Variants in LRRK2 observed in about 807,000 individuals in gnomAD.
LRRK2 encodes leucine rich repeat kinase 2.
In LRRK2, 203 loss-of-function variants were observed where a neutral mutation model predicts 302.6. That is an observed-to-expected ratio of 0.67 (90% confidence interval 0.60 to 0.75). The LOEUF (loss-of-function observed/expected upper bound fraction) is 0.75. LRRK2 is among the 30% of genes least tolerant of loss of function. The probability of loss-of-function intolerance (pLI) is 0.00; values close to 1 mark genes in which losing one functional copy is unlikely to be tolerated. For missense variants in LRRK2, 2,830 were observed against 2,951.0 expected (o/e 0.96, Z 0.95); for synonymous variants, 1,066 against 1,031.9 (o/e 1.03, Z -0.63).
At position 40,315,355 on chromosome 12, in the gene LRRK2, T is replaced by C. The variant is rs1022042173; in HGVS notation, c.4827+55T>C. The C allele has an allele frequency of 4.2e-5, 59 of 1,399,544 alleles. No individual in the cohort carries two copies. The African/African-American group carries it at 7.4e-4, about 17-fold the overall frequency. The allele number at this position is 1,399,544 out of a possible 1,614,324, so 86.7% of individuals were successfully genotyped here. A position where few individuals can be genotyped will look rare whatever the true frequency, so the allele number is the denominator to read the frequency against. ...GGTTATGGTCAAAGCATAGAACAGA[T>C]GGCGCCCAGAGCATTGAGCATTTTA... On this transcript the variant is annotated intron_variant, in intron 33 of 50. Coordinates refer to ENST00000298910, the MANE Select transcript of LRRK2 (RefSeq NM_198578.4).
chr12:40,324,839 A>G (rs1945498269), intron 38 of LRRK2, among the ~76,000 whole-genome samples: 1 of 152,244 alleles, frequency 6.6e-6, no homozygotes. Flanking sequence ...ACTTCAAGGT[A>G]TACAGGAAAG....
At chr12:40,327,483 G>A (rs1411303436) in intron 38 of LRRK2, among the ~76,000 whole-genome samples, 1 of 152,110 alleles carries the variant, frequency 6.6e-6, no homozygotes, top group Non-Finnish European at 1.5e-5. Flanking sequence ...CCAGGACTGG[G>A]GCAGGGAAAG....
At position 40,237,925 on chromosome 12, in the gene LRRK2, T is replaced by G. The variant is rs2723270; in HGVS notation, c.437-44T>G. The G allele has an allele frequency of 0.028, 44,116 of 1,586,470 alleles. 752 individuals are homozygous for G. Among genetic ancestry groups the G allele is most frequent in the Non-Finnish European group, 0.033 (38,297 of 1,161,736 alleles). On this transcript the variant is annotated intron_variant, in intron 4 of 50. Transcript: ENST00000298910. ...ATGTAAAAATTAACACATTAAATGT[T>G]AAAGCAGCTCTTTACTCAGAGCATA...
chr12:40,339,539 C>T (rs986923209), intron 40 of LRRK2, among the ~76,000 whole-genome samples: 2 of 152,106 alleles, frequency 1.3e-5, no homozygotes, highest in South Asian at 2.1e-4. Flanking sequence ...CTCGTGATTG[C>T]GTGGGTCAGT....
intron 31 of LRRK2, among the ~76,000 whole-genome samples, chr12:40,312,533 A>G (rs1038644867): frequency 2.0e-5 from 3 of 152,062 alleles, no homozygotes; most frequent in African/African-American, 7.2e-5. Flanking sequence ...CTTTGATCTT[A>G]GCTCTTCTCT....
intron 6 of LRRK2, among the ~76,000 whole-genome samples, chr12:40,242,569 T>G (rs554389244): frequency 3.3e-5 from 5 of 152,078 alleles, no homozygotes; most frequent in Non-Finnish European, 1.5e-5. Flanking sequence ...AGCTTGATTT[T>G]GCTGCCTTGT....
At chr12:40,242,310 C>T (rs1941764866) in intron 6 of LRRK2, among the ~76,000 whole-genome samples, 1 of 151,880 alleles carries the variant, frequency 6.6e-6, no homozygotes, top group Admixed American at 6.6e-5. Context: ...AAAACAAATA[C>T]TAAAATGTTT....
At chr12:40,318,808 C>A (rs1047952121) in intron 33 of LRRK2, among the ~76,000 whole-genome samples, 1 of 152,028 alleles carries the variant, frequency 6.6e-6, no homozygotes, top group African/African-American at 2.4e-5. Flanking sequence ...ACCACCTAAA[C>A]TGTAAGAGCG....
intron 41 of LRRK2, among the ~76,000 whole-genome samples, chr12:40,342,806 C>G (rs1002894100): frequency 1.3e-5 from 2 of 152,072 alleles, no homozygotes; most frequent in African/African-American, 4.8e-5. Context: ...TTTGTTAAAC[C>G]TTTTGGGTGT....
intron 44 of LRRK2, 39 bp downstream of exon 44, chr12:40,351,772 G>A: frequency 1.3e-6 from 2 of 1,587,978 alleles, no homozygotes; most frequent in Non-Finnish European, 1.7e-6. Context: ...ATAATTTAAA[G>A]CATATACCAT....
chr12:40,296,892 G>T (rs539019920), intron 23 of LRRK2, among the ~76,000 whole-genome samples: 1 of 151,846 alleles, frequency 6.6e-6, no homozygotes, highest in Non-Finnish European at 1.5e-5. Context: ...AGCCACCCAG[G>T]GCTCAATTTA....
intron 1 of LRRK2, 83 bp downstream of exon 1, chr12:40,225,365 C>A: frequency 6.6e-7 from 1 of 1,509,792 alleles, no homozygotes; most frequent in Non-Finnish European, 9.1e-7. Flanking sequence ...TCCTCCTCCC[C>A]TTGACCCTGC....
intron 6 of LRRK2, among the ~76,000 whole-genome samples, chr12:40,241,333 G>A (rs2136433926): frequency 6.6e-6 from 1 of 152,280 alleles, no homozygotes; most frequent in East Asian, 1.9e-4. Context: ...TGTGACTCTT[G>A]ATTAGCATTT....
intron 20 of LRRK2, among the ~76,000 whole-genome samples, chr12:40,288,118 T>G (rs1468878295): frequency 6.6e-6 from 1 of 151,892 alleles, no homozygotes; most frequent in Admixed American, 6.6e-5. Flanking sequence ...AGTGAGGGGC[T>G]TTCTTATTAA....
At chr12:40,251,952 T>C (rs1176221585) in intron 10 of LRRK2, among the ~76,000 whole-genome samples, 2 of 152,204 alleles carry the variant, frequency 1.3e-5, no homozygotes, top group Non-Finnish European at 2.9e-5. Flanking sequence ...TTAGAGAGCT[T>C]CCTATGATGA....
intron 14 of LRRK2, among the ~76,000 whole-genome samples, chr12:40,270,740 A>G (rs1015735781): frequency 6.6e-6 from 1 of 152,104 alleles, no homozygotes; most frequent in Non-Finnish European, 1.5e-5. Flanking sequence ...CATTCTAGCT[A>G]TACATTCAAC....
At chr12:40,225,511 T>C (rs373126789) in intron 1 of LRRK2, 44 bp from the exon 2 acceptor site, 4 of 1,527,402 alleles carry the variant, frequency 2.6e-6, no homozygotes, top group Non-Finnish European at 3.6e-6. Flanking sequence ...GGGGGTGCTG[T>C]GGATTGTGAC....
At chr12:40,301,081 A>T (rs1944608126) in intron 25 of LRRK2, 1 of 457,166 alleles carries the variant, frequency 2.2e-6, no homozygotes, top group Admixed American at 2.3e-5. Context: ...ACAATTAATT[A>T]TCTTGTTGTG....
In LRRK2 at chr12:40,351,698, T is replaced by C. The variant is rs1164488895; in HGVS notation, c.6541T>C (p.Phe2181Leu). Reference sequence around the variant, plus strand: ...GCACACCGACAGAGGACAGCTCTCATTTCTTGACTTAAATACTGAAGGATA... The same window carrying C: ...GCACACCGACAGAGGACAGCTCTCACTTCTTGACTTAAATACTGAAGGATA... ...CGHTDRGQLSFLDLNTEGYTS... is the reference protein window; with the variant it reads ...CGHTDRGQLSLLDLNTEGYTS... Residue 2181 changes from phenylalanine (F) to leucine (L), a missense_variant, in exon 44 of 51, where the codon TTT becomes CTT. Around this residue, in one of 3 missense-constraint regions of LRRK2, gnomAD observed 456 missense variants for 456.3 expected, o/e 1.00. Transcript: ENST00000298910. The C allele has an allele frequency of 6.2e-7, 1 of 1,614,122 alleles. No homozygotes were observed. Among genetic ancestry groups the C allele is most frequent in the Non-Finnish European group, 8.5e-7 (1 of 1,180,044 alleles).
Sources: gnomAD v4.1 joint callset for allele counts (sites outside exome capture counted in the v4.1 genomes callset) on GRCh38, gnomAD v4.1.1 for gene constraint, gnomAD v4.1.1 regional missense constraint, MANE v1.5 for transcripts, NCBI Gene and HGNC (gene_info 2026-07-23, HGNC 2026-07-21) for gene names.